Variants in UBN2 observed in about 807,000 individuals in gnomAD.
UBN2 encodes the protein ubinuclein 2, also known as ubinuclein-2.
In UBN2, 35 loss-of-function variants were observed where a neutral mutation model predicts 120.2. That is an observed-to-expected ratio of 0.29 (90% CI 0.22 to 0.39). UBN2 has a LOEUF of 0.39. UBN2 is among the 10% of genes least tolerant of loss of function. The probability of loss-of-function intolerance (pLI) is 1.00; values close to 1 mark genes in which losing one functional copy is unlikely to be tolerated. For synonymous variants in UBN2, 661 were observed against 648.7 expected, an observed-to-expected ratio of 1.02 and a Z score of -0.29; for missense variants, 1,693 against 1,663.2, an observed-to-expected ratio of 1.02 and a Z score of -0.31.
chr7:139,236,219 G>GTT (rs750780483), intron 1 of UBN2, among the ~76,000 whole-genome samples: 61 of 151,946 alleles, frequency 4.0e-4, no homozygotes, highest in South Asian at 1.5e-3. Flanking sequence ...GTGTGTGTGT[G>GTT]TTAAACCATG....
chr7:139,258,281 G>A (rs1796822864), intron 3 of UBN2, among the ~76,000 whole-genome samples: 1 of 152,112 alleles, frequency 6.6e-6, no homozygotes, highest in Admixed American at 6.6e-5. Context: ...TATTATTTCA[G>A]AAGTTTTTTT....
chr7:139,326,159 G>A, the UBN2 span, among the ~76,000 whole-genome samples: 1 of 152,204 alleles, frequency 6.6e-6, no homozygotes, highest in Non-Finnish European at 1.5e-5. Context: ...GGGAGGCTGA[G>A]GCAGGAGAAT....
At chr7:139,295,175 G>A (rs754009677) in intron 17 of UBN2, among the ~76,000 whole-genome samples, 8 of 151,948 alleles carry the variant, frequency 5.3e-5, no homozygotes, top group Admixed American at 2.0e-4. Flanking sequence ...GAACTGAGGG[G>A]CAATCTTGAG....
intron 13 of UBN2, among the ~76,000 whole-genome samples, chr7:139,279,773 G>A (rs1366319651): frequency 1.3e-5 from 2 of 152,118 alleles, no homozygotes; most frequent in South Asian, 2.1e-4. Flanking sequence ...TTCTTTTTAC[G>A]TTTCTTCTCA....
chr7:139,284,457 T>C lies in UBN2; in HGVS notation c.3552T>C (p.Asn1184=). The C allele has an allele frequency of 6.2e-7, 1 of 1,614,162 alleles. No homozygotes were observed. The highest frequency in any genetic ancestry group is 8.5e-7 in the Non-Finnish European group (1 of 1,180,028). ...RGSNLNSSGA[N]RTSLSGGTGS... is the part of the protein sequence containing the mutation. ...GCAACCTTAACTCAAGCGGAGCTAA[T>C]AGGACTAGTCTGTCTGGGGGAACAG... is the stretch of plus-strand genomic sequence containing the variant. Residue 1184 remains asparagine, a synonymous_variant, in exon 15 of 18, where the codon AAT becomes AAC. Coordinates refer to ENST00000473989, the MANE Select transcript of UBN2 (RefSeq NM_173569.4).
chr7:139,295,600 T>C (rs983228229), intron 17 of UBN2, among the ~76,000 whole-genome samples: 18 of 152,192 alleles, frequency 1.2e-4, no homozygotes, highest in African/African-American at 4.3e-4. Context: ...CTGTCAGTAT[T>C]TTCCAAATAA....
At chr7:139,297,760 T>C in intron 17 of UBN2, 27 bp from the exon 18 acceptor site, 1 of 1,613,086 alleles carries the variant, frequency 6.2e-7, no homozygotes. Context: ...TATGGACCCA[T>C]ACCAATTTAA....
At chr7:139,320,669 C>G in the UBN2 span, among the ~76,000 whole-genome samples, 1 of 151,950 alleles carries the variant, frequency 6.6e-6, no homozygotes, top group African/African-American at 2.4e-5. Flanking sequence ...ACCAGCCTTG[C>G]CAACATGGTG....
the UBN2 span, among the ~76,000 whole-genome samples, chr7:139,330,415 C>CT: frequency 6.6e-6 from 1 of 152,146 alleles, no homozygotes; most frequent in Non-Finnish European, 1.5e-5. Context: ...TAAATAACTC[C>CT]TTTTTGCCTC....
chr7:139,282,085 G>A (rs775960670), intron 14 of UBN2, 30 bp downstream of exon 14: 5 of 1,603,756 alleles, frequency 3.1e-6, no homozygotes, highest in Non-Finnish European at 4.3e-6. Flanking sequence ...CAATCAGTAT[G>A]TAATATAACA....
intron 2 of UBN2, among the ~76,000 whole-genome samples, chr7:139,251,096 C>T (rs1323156802): frequency 6.6e-6 from 1 of 151,956 alleles, no homozygotes; most frequent in Non-Finnish European, 1.5e-5. Flanking sequence ...CAGAGTGAGA[C>T]CCTATCTCAA....
At position 139,283,297 on chromosome 7, in the gene UBN2, C is replaced by T. The variant is rs769712687; in HGVS notation, c.2392C>T (p.Arg798Cys). 8.7e-6 allele frequency: 14 copies of T among 1,613,790 alleles called. No individual in the cohort carries two copies. Among genetic ancestry groups the T allele is most frequent in the African/African-American group, 8.0e-5 (6 of 74,808 alleles). ...GATAAGCATGCCAACCACAAAGCCT[C>T]GTCCAGGACTGAGAGAAGAAAAATT... ...SRISMPTTKP[R>C]PGLREEKLAS... The change falls in exon 15 of 18, where the codon CGT becomes TGT. Residue 798 changes from arginine to cysteine, a missense_variant. Coordinates refer to ENST00000473989, the MANE Select transcript of UBN2 (RefSeq NM_173569.4).
At chr7:139,319,197 C>G in the UBN2 span, among the ~76,000 whole-genome samples, 1 of 152,184 alleles carries the variant, frequency 6.6e-6, no homozygotes, top group African/African-American at 2.4e-5. Flanking sequence ...ATTTTCCTGC[C>G]TCAGCTTCCC....
At chr7:139,329,925 C>T in the UBN2 span, among the ~76,000 whole-genome samples, 44 of 152,194 alleles carry the variant, frequency 2.9e-4, no homozygotes, top group Admixed American at 1.6e-3. Flanking sequence ...ATAGCTGTGG[C>T]CATGGCTGCA....
At chr7:139,275,701 C>T (rs759528994) in intron 11 of UBN2, among the ~76,000 whole-genome samples, 6 of 152,144 alleles carry the variant, frequency 3.9e-5, no homozygotes, top group Non-Finnish European at 8.8e-5. Context: ...TGTGGTAGCT[C>T]ACCCCTATAA....
chr7:139,286,731 G>T (rs531177099), intron 15 of UBN2, among the ~76,000 whole-genome samples: 1 of 152,070 alleles, frequency 6.6e-6, no homozygotes, highest in Non-Finnish European at 1.5e-5. Flanking sequence ...TTATGGAATT[G>T]TGTTGTCTAA....
intron 9 of UBN2, 76 bp from the exon 10 acceptor site, chr7:139,273,221 G>A: frequency 1.2e-6 from 1 of 863,312 alleles, no homozygotes; most frequent in Non-Finnish European, 1.7e-6. Flanking sequence ...AAGCAATTCA[G>A]CAAGTATTTA....
At chr7:139,274,206 T>C (rs565421333) in intron 11 of UBN2, 132 bp downstream of exon 11, 2 of 846,200 alleles carry the variant, frequency 2.4e-6, no homozygotes, top group Non-Finnish European at 3.3e-6. Context: ...TGTCTAGTCA[T>C]CTCAGATGAT....
intron 11 of UBN2, among the ~76,000 whole-genome samples, chr7:139,274,392 G>T (rs1330719208): frequency 2.0e-5 from 3 of 152,096 alleles, no homozygotes; most frequent in Non-Finnish European, 4.4e-5. Context: ...GCTTTATAGG[G>T]GTAACATGAA....
Sources: gnomAD v4.1 joint callset for allele counts (sites outside exome capture counted in the v4.1 genomes callset) on GRCh38, gnomAD v4.1.1 for gene constraint, MANE v1.5 for transcripts, NCBI Gene and HGNC (gene_info 2026-07-23, HGNC 2026-07-21) for gene names.